RYR2: variants seen among roughly 807,000 people sequenced by gnomAD.
RYR2 encodes the protein ryanodine receptor 2.
In RYR2, 227 loss-of-function variants were observed where a neutral mutation model predicts 601.1. That is an observed-to-expected ratio of 0.38 (90% CI 0.34 to 0.42). The LOEUF is 0.42. Ranked by LOEUF, RYR2 falls within the 10% of genes least tolerant of loss-of-function variation. RYR2 has a pLI of 1.00. For missense variants in RYR2, 4,646 were observed against 6,156.5 expected (o/e 0.75, Z 8.21); for synonymous variants, 2,223 against 2,175.1 (o/e 1.02, Z -0.61).
chr1:237,717,621 G>A (rs906684804), intron 72 of RYR2, among the ~76,000 whole-genome samples: 9 of 151,946 alleles, frequency 5.9e-5, no homozygotes, highest in African/African-American at 1.9e-4. Flanking sequence ...ACCAATCTCT[G>A]GTAGTGAAAA....
chr1:237,090,848 GAGA>G (rs1666877919), intron 1 of RYR2, among the ~76,000 whole-genome samples: 1 of 152,304 alleles, frequency 6.6e-6, no homozygotes, highest in African/African-American at 2.4e-5. Context: ...GCTCTGTTTT[GAGA>G]AGAAGGTTGG....
At chr1:237,750,103 A>T (rs149112974) in intron 80 of RYR2, among the ~76,000 whole-genome samples, 126 of 152,264 alleles carry the variant, frequency 8.3e-4, no homozygotes, top group African/African-American at 2.8e-3. Flanking sequence ...CCAAGATTAC[A>T]CCATTGCACT....
chr1:237,360,574 A>G (rs998346310), intron 4 of RYR2, among the ~76,000 whole-genome samples: 1 of 152,204 alleles, frequency 6.6e-6, no homozygotes, highest in African/African-American at 2.4e-5. Context: ...CCATTTAACT[A>G]CTGTCTGTAC....
At chr1:237,780,981 G>T (rs1695057894) in intron 88 of RYR2, among the ~76,000 whole-genome samples, 1 of 152,142 alleles carries the variant, frequency 6.6e-6, no homozygotes. Context: ...AGTCTTGCTT[G>T]GCATTGGAGA....
chr1:237,828,600 T>C (rs902259121), intron 102 of RYR2, among the ~76,000 whole-genome samples, 155 bp downstream of exon 102: 11 of 152,190 alleles, frequency 7.2e-5, no homozygotes, highest in South Asian at 2.1e-4. Context: ...GCAATACATA[T>C]AGTTGAGCTG....
At chr1:237,718,992 A>G (rs1384869005) in intron 73 of RYR2, among the ~76,000 whole-genome samples, 2 of 152,170 alleles carry the variant, frequency 1.3e-5, no homozygotes, top group African/African-American at 4.8e-5. Context: ...GGCTAGGCAC[A>G]GTGGCTCACA....
Position 237,118,329 on chromosome 1 carries a change from C to A in RYR2, c.48+75760C>A, listed in dbSNP as rs376755168. Among the ~76,000 whole-genome samples the A allele has an allele frequency of 7.2e-5, 11 of 151,804 alleles. No homozygotes were observed. In the East Asian group the frequency reaches 1.9e-3, roughly 27 times the overall value. ...TCCTTTTCTGTATCCCATGTGACAA[C>A]TGTAGTCATTATGGCAGCCACAGAC... On this transcript the variant is annotated intron_variant, in intron 1 of 104. Transcript: ENST00000366574.
At position 237,535,482 on chromosome 1, in the gene RYR2, CAT is replaced by C. The variant is rs1317397942; in HGVS notation, c.2906+4974_2906+4975del. ...TATTAAAGGAATTGAATCAAACACA[CAT>C]ACACACACACACACACACACACACA... On this transcript the variant is annotated intron_variant, in intron 25 of 104. Coordinates refer to ENST00000366574, the MANE Select transcript of RYR2 (RefSeq NM_001035.3). Among the ~76,000 whole-genome samples the C allele has an allele frequency of 1.2e-3, 128 of 106,154 alleles. 1 individual carries two copies. Among genetic ancestry groups the C allele is most frequent in the African/African-American group, 3.4e-3 (110 of 32,122 alleles). 69.6% of individuals were successfully genotyped at this position (106,154 alleles called of 152,430 possible). A position where few individuals can be genotyped will look rare whatever the true frequency, so the allele number is the denominator to read the frequency against.
intron 25 of RYR2, among the ~76,000 whole-genome samples, chr1:237,532,796 G>T (rs1316711934): frequency 6.6e-6 from 1 of 152,082 alleles, no homozygotes; most frequent in Non-Finnish European, 1.5e-5. Context: ...TTCATGTATA[G>T]ATTCTATCTG....
At chr1:237,418,320 G>T (rs1705219043) in intron 11 of RYR2, among the ~76,000 whole-genome samples, 2 of 152,280 alleles carry the variant, frequency 1.3e-5, no homozygotes, top group South Asian at 4.1e-4. Context: ...GGGATCACAG[G>T]TGTGAGCCAC....
At position 237,224,813 on chromosome 1, in the gene RYR2, T is replaced by C. The variant is rs1274103633; in HGVS notation, c.49-45684T>C. Among the ~76,000 whole-genome samples the C allele has an allele frequency of 2.0e-5, 3 of 152,238 alleles. No individual in the cohort carries two copies. The East Asian group carries it at 5.8e-4, about 29-fold the overall frequency. On this transcript the variant is annotated intron_variant, in intron 1 of 104. Coordinates refer to ENST00000366574, the MANE Select transcript of RYR2 (RefSeq NM_001035.3). The stretch of plus-strand genomic sequence containing the variant: ...AGTTGGAGGCTGCAGTGAACCATGA[T>C]TGTGCCATTGAACTCCAGTCTGGGT...
chr1:237,515,604 C>T (rs937815486), intron 24 of RYR2, among the ~76,000 whole-genome samples: 4 of 148,210 alleles, frequency 2.7e-5, no homozygotes, highest in African/African-American at 7.7e-5. Context: ...ACCTCTTTTC[C>T]TCCTCCTCCT....
intron 101 of RYR2, among the ~76,000 whole-genome samples, chr1:237,827,172 T>C (rs1663194778): frequency 6.6e-6 from 1 of 152,178 alleles, no homozygotes; most frequent in East Asian, 1.9e-4. Context: ...GTGCTCTTAT[T>C]GAGTGTAAAA....
intron 59 of RYR2, among the ~76,000 whole-genome samples, chr1:237,674,453 C>T (rs1222771775): frequency 2.6e-5 from 4 of 151,758 alleles, no homozygotes; most frequent in African/African-American, 7.3e-5. Flanking sequence ...AGGCAAAATC[C>T]CCAGGCAAAA....
intron 20 of RYR2, among the ~76,000 whole-genome samples, chr1:237,498,956 G>A (rs904290199): frequency 2.0e-5 from 3 of 152,052 alleles, no homozygotes; most frequent in African/African-American, 7.2e-5. Flanking sequence ...TCTATTAAAT[G>A]CTTTGCTGAT....
chr1:237,728,800 G>A (rs1690427194), intron 76 of RYR2, among the ~76,000 whole-genome samples: 1 of 151,930 alleles, frequency 6.6e-6, no homozygotes. Flanking sequence ...GGGGGCAATG[G>A]GAGGGAGAGT....
chr1:237,416,197 T>G (rs1247010634), intron 10 of RYR2, among the ~76,000 whole-genome samples: 1 of 152,138 alleles, frequency 6.6e-6, no homozygotes, highest in Non-Finnish European at 1.5e-5. Context: ...GAAGCAAGAT[T>G]GGAGCCCACT....
At chr1:237,113,490 G>A (rs1007940552) in intron 1 of RYR2, among the ~76,000 whole-genome samples, 6 of 152,058 alleles carry the variant, frequency 3.9e-5, no homozygotes, top group African/African-American at 9.7e-5. Flanking sequence ...ATGAGCCATC[G>A]TGTCCAGCCG....
In RYR2 at chr1:237,150,968, T is replaced by G. The variant is rs150003264; in HGVS notation, c.48+108399T>G. On this transcript the variant is annotated intron_variant, in intron 1 of 104. Transcript: ENST00000366574. Reference sequence around the variant, plus strand: ...TTTTACTTGGAGAACCTTTCTTCTTTTAGATCTCAGGGTTTCGATTTTGAA... The same window carrying G: ...TTTTACTTGGAGAACCTTTCTTCTTGTAGATCTCAGGGTTTCGATTTTGAA... 3.3e-3 allele frequency among the ~76,000 whole-genome samples: 496 copies of G among 152,336 alleles called. 2 individuals carry two copies. The highest frequency in any genetic ancestry group is 0.011 in the African/African-American group (451 of 41,574).
Sources: allele counts gnomAD v4.1 joint callset (sites outside exome capture counted in the v4.1 genomes callset), GRCh38; gene constraint gnomAD v4.1.1; transcripts MANE v1.5; gene names NCBI Gene and HGNC (gene_info 2026-07-23, HGNC 2026-07-21).